ROBO1: variants seen among roughly 807,000 people sequenced by gnomAD.
ROBO1 encodes the protein roundabout guidance receptor 1, also known as roundabout homolog 1.
In ROBO1, 149 loss-of-function variants were observed where a neutral mutation model predicts 195.9. The observed-to-expected ratio is 0.76, with a 90% confidence interval of 0.67 to 0.87. ROBO1 has a LOEUF of 0.87. ROBO1 is among the 40% of genes least tolerant of loss of function. The pLI is 0.00. For synonymous variants in ROBO1, 816 were observed against 733.2 expected, an observed-to-expected ratio of 1.11 and a Z score of -1.82; for missense variants, 1,933 against 2,068.3, an observed-to-expected ratio of 0.93 and a Z score of 1.27.
intron 2 of ROBO1, among the ~76,000 whole-genome samples, chr3:79,179,258 C>G (rs934603881): frequency 6.6e-6 from 1 of 152,152 alleles, no homozygotes; most frequent in Non-Finnish European, 1.5e-5. Flanking sequence ...ATTTAGTCTA[C>G]TGCACATGAG....
intron 3 of ROBO1, among the ~76,000 whole-genome samples, chr3:78,992,912 C>T (rs1410006491): frequency 1.3e-5 from 2 of 152,092 alleles, no homozygotes; most frequent in African/African-American, 2.4e-5. Flanking sequence ...GAAGCTGAAG[C>T]AGCAGTAAGG....
chr3:79,145,724 C>G (rs1325809374), intron 2 of ROBO1, among the ~76,000 whole-genome samples: 1 of 151,934 alleles, frequency 6.6e-6, no homozygotes, highest in Non-Finnish European at 1.5e-5. Context: ...AAACCACAAC[C>G]TTTTATTCAA....
intron 1 of ROBO1, among the ~76,000 whole-genome samples, chr3:79,759,220 A>T (rs1240626091): frequency 6.6e-6 from 1 of 152,238 alleles, no homozygotes; most frequent in Non-Finnish European, 1.5e-5. Flanking sequence ...CAATCTTCCT[A>T]GTTCCTCATT....
intron 25 of ROBO1, among the ~76,000 whole-genome samples, chr3:78,629,648 A>AAACAAAACC (rs555746162): frequency 0.24 from 34,551 of 144,968 alleles, 4,167 homozygotes; most frequent in Middle Eastern, 0.29. Flanking sequence ...TCTAAAAACA[A>AAACAAAACC]AACCAAACCA....
intron 28 of ROBO1, among the ~76,000 whole-genome samples, chr3:78,609,254 C>A (rs1703644515): frequency 6.6e-6 from 1 of 152,118 alleles, no homozygotes; most frequent in Admixed American, 6.6e-5. Context: ...GAAAGAACAA[C>A]CTCCGTACCT....
intron 22 of ROBO1, among the ~76,000 whole-genome samples, chr3:78,639,088 G>A (rs1007670542): frequency 2.0e-5 from 3 of 151,626 alleles, no homozygotes; most frequent in Admixed American, 1.3e-4. Context: ...GGAGGTTGCA[G>A]TGAGCTGAGA....
At chr3:79,086,875 G>C (rs1016060988) in intron 3 of ROBO1, among the ~76,000 whole-genome samples, 3 of 151,994 alleles carry the variant, frequency 2.0e-5, no homozygotes, top group African/African-American at 7.3e-5. Context: ...CCTTTATGAG[G>C]TCTTAATTTT....
rs1304293113 is a variant in ROBO1 at position 79,557,743 on chromosome 3, AAT to A, written c.88+32079_88+32080del. 3.6e-3 allele frequency among the ~76,000 whole-genome samples: 470 copies of A among 130,776 alleles called. 9 individuals are homozygous for A. Among genetic ancestry groups the A allele is most frequent in the African/African-American group, 0.012 (377 of 32,668 alleles). 85.8% of individuals were successfully genotyped at this position (130,776 alleles called of 152,430 possible). ...GCGAGACTGTCTTAAAACAAAAAAA[AAT>A]ATATATATATATATATATATTTTAT... On this transcript the variant is annotated intron_variant, in intron 2 of 30. Coordinates refer to ENST00000464233, the MANE Select transcript of ROBO1 (RefSeq NM_002941.4).
Position 79,021,560 on chromosome 3 carries a change from A to G in ROBO1, c.173-82633T>C, listed in dbSNP as rs151057489. On this transcript the variant is annotated intron_variant, in intron 3 of 30. Coordinates refer to ENST00000464233, the MANE Select transcript of ROBO1 (RefSeq NM_002941.4). Reference sequence around the variant, plus strand: ...TCTCTCAAGATTTCTTTTGCCATTTATCTCATTGAATGCAAACCATATTAA... The same window carrying G: ...TCTCTCAAGATTTCTTTTGCCATTTGTCTCATTGAATGCAAACCATATTAA... Among the ~76,000 whole-genome samples the G allele has an allele frequency of 6.9e-3, 1,048 of 150,848 alleles. 8 individuals carry two copies. The highest frequency in any genetic ancestry group is 0.041 in the Middle Eastern group (12 of 292).
At chr3:79,161,405 A>T (rs931289092) in intron 2 of ROBO1, among the ~76,000 whole-genome samples, 1 of 152,110 alleles carries the variant, frequency 6.6e-6, no homozygotes, top group Admixed American at 6.6e-5. Context: ...AAACATATCA[A>T]TTTTTTTAAA....
intron 2 of ROBO1, among the ~76,000 whole-genome samples, chr3:79,322,826 A>T (rs938737849): frequency 3.9e-5 from 6 of 152,328 alleles, no homozygotes; most frequent in African/African-American, 1.4e-4. Context: ...TATACTTTTA[A>T]GATAATTCTT....
At chr3:78,866,811 G>A (rs1448677505) in intron 4 of ROBO1, among the ~76,000 whole-genome samples, 1 of 152,060 alleles carries the variant, frequency 6.6e-6, no homozygotes, top group African/African-American at 2.4e-5. Flanking sequence ...GAGAATAGAG[G>A]GGCAGGAGTA....
intron 2 of ROBO1, among the ~76,000 whole-genome samples, chr3:79,425,067 T>C (rs1364616504): frequency 6.6e-6 from 1 of 152,210 alleles, no homozygotes; most frequent in African/African-American, 2.4e-5. Flanking sequence ...TCCATCTGAC[T>C]CACTCGTCAA....
chr3:79,486,824 C>T (rs1939184082), intron 2 of ROBO1, among the ~76,000 whole-genome samples: 1 of 152,116 alleles, frequency 6.6e-6, no homozygotes, highest in Admixed American at 6.5e-5. Context: ...CTGCCCTCTC[C>T]CTATCTGCCC....
At chr3:79,083,854 T>G (rs1452459883) in intron 3 of ROBO1, among the ~76,000 whole-genome samples, 1 of 152,146 alleles carries the variant, frequency 6.6e-6, no homozygotes, top group African/African-American at 2.4e-5. Flanking sequence ...AACAAAGATT[T>G]TCATGAAGGG....
At chr3:78,623,876 T>C (rs1175595289) in intron 26 of ROBO1, among the ~76,000 whole-genome samples, 1 of 152,148 alleles carries the variant, frequency 6.6e-6, no homozygotes, top group African/African-American at 2.4e-5. Context: ...TATCTATGAG[T>C]GTACCATTAG....
At chr3:79,021,885 C>T (rs1200614254) in intron 3 of ROBO1, among the ~76,000 whole-genome samples, 3 of 152,160 alleles carry the variant, frequency 2.0e-5, no homozygotes, top group Non-Finnish European at 4.4e-5. Flanking sequence ...TGGTCTCGAT[C>T]TCCTGACCTA....
intron 2 of ROBO1, among the ~76,000 whole-genome samples, chr3:79,154,949 T>G (rs1187657538): frequency 6.6e-6 from 1 of 151,806 alleles, no homozygotes; most frequent in Non-Finnish European, 1.5e-5. Context: ...ATTTTTTATT[T>G]GTTCCCTATT....
intron 1 of ROBO1, among the ~76,000 whole-genome samples, chr3:79,616,521 A>T (rs1944824819): frequency 6.6e-6 from 1 of 152,134 alleles, no homozygotes; most frequent in African/African-American, 2.4e-5. Context: ...TTTGGGACAT[A>T]GGAAACCAGA....
Sources: allele counts gnomAD v4.1 joint callset (sites outside exome capture counted in the v4.1 genomes callset), GRCh38; gene constraint gnomAD v4.1.1; transcripts MANE v1.5; gene names NCBI Gene and HGNC (gene_info 2026-07-23, HGNC 2026-07-21).